MAP4K3: variants seen among roughly 807,000 people sequenced by gnomAD.
MAP4K3 encodes the protein mitogen-activated protein kinase kinase kinase kinase 3, also known as MAPK/ERK kinase kinase kinase 3.
Under a neutral mutation model 143.5 loss-of-function variants are expected in MAP4K3, and 94 were observed. That is an observed-to-expected ratio of 0.65 (90% CI 0.55 to 0.78). The LOEUF is 0.78. MAP4K3 is among the 30% of genes least tolerant of loss of function. The probability of loss-of-function intolerance (pLI) is 0.00; values close to 1 mark genes in which losing one functional copy is unlikely to be tolerated. For missense variants in MAP4K3, 1,077 were observed against 1,068.1 expected (o/e 1.01, Z -0.12); for synonymous variants, 416 against 347.2 (o/e 1.20, Z -2.20).
At chr2:39,277,097 T>C (rs1187043210) in intron 24 of MAP4K3, among the ~76,000 whole-genome samples, 1 of 152,228 alleles carries the variant, frequency 6.6e-6, no homozygotes, top group East Asian at 1.9e-4. Context: ...CATTTGACCA[T>C]GGTTTCTAGT....
At chr2:39,253,840 A>G (rs1680243669) in intron 32 of MAP4K3, among the ~76,000 whole-genome samples, 1 of 152,194 alleles carries the variant, frequency 6.6e-6, no homozygotes, top group Non-Finnish European at 1.5e-5. Flanking sequence ...ATAACCTCAG[A>G]ACTTTCCGGC....
rs1680532864 is a variant in MAP4K3 at position 39,260,687 on chromosome 2, T to C, written c.2227A>G (p.Ser743Gly). The change falls in exon 29 of 34, where the codon AGT (serine) becomes GGT (glycine). Residue 743 changes from serine (S) to glycine (G), a missense_variant. Around this residue, in one of 2 missense-constraint regions of MAP4K3, gnomAD observed 864 missense variants for 801.2 expected, o/e 1.08. Coordinates refer to ENST00000263881, the MANE Select transcript of MAP4K3 (RefSeq NM_003618.4). ...QEYPLVCVGV[S>G]RGRDFNQVVR... is the part of the protein sequence containing the mutation. ...ACTTGGTTGAAGTCTCTACCTCTAC[T>C]GACACCAACACAAACTAAAGGGTAC... is the stretch of plus-strand genomic sequence containing the variant. The C allele has an allele frequency of 1.2e-6, 2 of 1,613,746 alleles. No homozygotes were observed. The highest frequency in any genetic ancestry group is 2.7e-5 in the African/African-American group (2 of 74,920).
chr2:39,259,668 G>C (rs996498419), intron 29 of MAP4K3, among the ~76,000 whole-genome samples: 4 of 151,912 alleles, frequency 2.6e-5, no homozygotes, highest in African/African-American at 7.3e-5. Context: ...AAAACAATTT[G>C]ATGCATGTAA....
intron 2 of MAP4K3, among the ~76,000 whole-genome samples, chr2:39,374,575 G>A (rs1030243560): frequency 2.6e-5 from 4 of 151,560 alleles, no homozygotes; most frequent in East Asian, 1.9e-4. Context: ...CCAGCTACTC[G>A]GGCAGCTGAG....
At chr2:39,282,440 A>C in intron 22 of MAP4K3, 73 bp downstream of exon 22, 2 of 1,265,836 alleles carry the variant, frequency 1.6e-6, no homozygotes, top group Non-Finnish European at 2.3e-6. Flanking sequence ...AAACAGACAA[A>C]AAAACCTAAG....
intron 2 of MAP4K3, among the ~76,000 whole-genome samples, chr2:39,372,307 G>A (rs1666103950): frequency 6.6e-6 from 1 of 151,622 alleles, no homozygotes; most frequent in Non-Finnish European, 1.5e-5. Context: ...AAAATGGAAA[G>A]ATATTCCATG....
intron 3 of MAP4K3, among the ~76,000 whole-genome samples, chr2:39,346,290 T>C (rs186491778): frequency 2.0e-5 from 3 of 152,328 alleles, no homozygotes; most frequent in Non-Finnish European, 2.9e-5. Flanking sequence ...AGTTTACTGT[T>C]TGTAGTTAAT....
At chr2:39,436,820 G>A in intron 1 of MAP4K3, 72 bp downstream of exon 1, 2 of 1,354,742 alleles carry the variant, frequency 1.5e-6, no homozygotes, top group Non-Finnish European at 2.1e-6. Flanking sequence ...CAGGCGGCAA[G>A]GGCTCGGACG....
At chr2:39,330,397 T>C (rs1369726721) in intron 8 of MAP4K3, among the ~76,000 whole-genome samples, 3 of 152,076 alleles carry the variant, frequency 2.0e-5, no homozygotes, top group African/African-American at 4.8e-5. Context: ...AGGATACACA[T>C]GCAAAATCTC....
chr2:39,358,580 T>C (rs1665677102), intron 2 of MAP4K3, among the ~76,000 whole-genome samples: 1 of 152,208 alleles, frequency 6.6e-6, no homozygotes, highest in Admixed American at 6.5e-5. Flanking sequence ...TTTGTACTAT[T>C]AAGTCAACTC....
intron 15 of MAP4K3, among the ~76,000 whole-genome samples, chr2:39,302,550 A>G (rs1423166696): frequency 1.3e-5 from 2 of 152,240 alleles, no homozygotes; most frequent in Admixed American, 1.3e-4. Context: ...AAAGACTGAT[A>G]TAAAATGCTT....
At chr2:39,288,351 C>A in intron 19 of MAP4K3, 71 bp from the exon 20 acceptor site, 1 of 1,372,228 alleles carries the variant, frequency 7.3e-7, no homozygotes, top group East Asian at 2.3e-5. Context: ...TACTATTATA[C>A]ATTAAAAGCT....
chr2:39,336,289 A>G (rs1231250936), intron 6 of MAP4K3, among the ~76,000 whole-genome samples: 1 of 152,014 alleles, frequency 6.6e-6, no homozygotes, highest in Non-Finnish European at 1.5e-5. Context: ...CCTGGCCAAC[A>G]TGATGAAATC....
chr2:39,310,925 G>T (rs994505761), intron 13 of MAP4K3, among the ~76,000 whole-genome samples: 2 of 152,058 alleles, frequency 1.3e-5, no homozygotes, highest in Admixed American at 1.3e-4. Flanking sequence ...GCTGGAAAAA[G>T]CCCAATAAAG....
intron 2 of MAP4K3, among the ~76,000 whole-genome samples, chr2:39,356,880 A>C (rs1435675665): frequency 6.6e-6 from 1 of 152,222 alleles, no homozygotes; most frequent in African/African-American, 2.4e-5. Context: ...AGCACAAAGA[A>C]GTAATTCTTT....
At chr2:39,325,228 C>T (rs1201424099) in intron 12 of MAP4K3, among the ~76,000 whole-genome samples, 2 of 152,196 alleles carry the variant, frequency 1.3e-5, no homozygotes, top group African/African-American at 4.8e-5. Context: ...TTGGCAACTT[C>T]ACCAAAAATG....
intron 28 of MAP4K3, among the ~76,000 whole-genome samples, chr2:39,263,453 G>C (rs1434908148): frequency 1.6e-5 from 1 of 61,324 alleles, no homozygotes; most frequent in Non-Finnish European, 3.9e-5. Context: ...TTTTTTTTTT[G>C]TATTTTTAGT....
intron 32 of MAP4K3, among the ~76,000 whole-genome samples, chr2:39,252,273 G>A (rs186545354): frequency 7.9e-5 from 12 of 152,300 alleles, no homozygotes; most frequent in African/African-American, 1.4e-4. Context: ...AGGCTGCCAC[G>A]TAGTGTAACA....
rs1197728606 is a variant in MAP4K3, at chr2:39,278,286, A to G, written c.1794+121T>C. On this transcript the variant is annotated intron_variant, in intron 24 of 33. Coordinates refer to ENST00000263881, the MANE Select transcript of MAP4K3 (RefSeq NM_003618.4). ...AGACTTGGTCTCAAAAAACAAAACA[A>G]AACAAAACAAAAAAGAATAAAAGAG... The G allele has an allele frequency of 1.7e-5, 10 of 597,548 alleles. No individual in the cohort carries two copies. In the East Asian group the frequency reaches 3.0e-4, roughly 18 times the overall value. The allele number at this position is 597,548 out of a possible 1,614,324, so 37.0% of individuals were successfully genotyped here. A position where few individuals can be genotyped will look rare whatever the true frequency, so the allele number is the denominator to read the frequency against.
Sources: gnomAD v4.1 joint callset for allele counts (sites outside exome capture counted in the v4.1 genomes callset) on GRCh38, gnomAD v4.1.1 for gene constraint, gnomAD v4.1.1 regional missense constraint, MANE v1.5 for transcripts, NCBI Gene and HGNC (gene_info 2026-07-23, HGNC 2026-07-21) for gene names.